NLRP14: variants seen among roughly 807,000 people sequenced by gnomAD.
The protein encoded by NLRP14 is NACHT, LRR and PYD domains-containing protein 14.
NLRP14 carries 105 observed loss-of-function variants against 94.7 expected under a neutral mutation model. The observed-to-expected ratio is 1.11, with a 90% confidence interval of 0.95 to 1.30. The LOEUF is 1.30. NLRP14 is among the 50% of genes most tolerant of loss of function. The pLI is 0.00. For missense variants in NLRP14, 1,362 were observed against 1,254.1 expected, an observed-to-expected ratio of 1.09 and a Z score of -1.30; for synonymous variants, 508 against 459.9, an observed-to-expected ratio of 1.10 and a Z score of -1.34.
downstream of NLRP14, among the ~76,000 whole-genome samples, chr11:7,072,211 G>A (rs142057475): frequency 1.1e-3 from 172 of 152,324 alleles, 1 homozygote; most frequent in African/African-American, 3.2e-3. Flanking sequence ...ATTACTTGGG[G>A]TCCCTTGGTG....
rs370166260 is a variant in NLRP14, at chr11:7,043,616, C to T, written c.1590C>T (p.Cys530=). The T allele has an allele frequency of 1.9e-6, 3 of 1,613,998 alleles. No homozygotes were observed. The African/African-American group carries it at 4.0e-5, about 22-fold the overall frequency. ...ACCCCCATTTGACACAGATGAAGTGCTTTTTGTTTGGCCTTTTGAATGAAG... is the reference window on the plus strand; with the variant it reads ...ACCCCCATTTGACACAGATGAAGTGTTTTTTGTTTGGCCTTTTGAATGAAG... ...YKDPHLTQMK[C]FLFGLLNEDR... The change falls in exon 4 of 12, where the codon TGC becomes TGT. Residue 530 remains cysteine (C), a synonymous_variant. Transcript: ENST00000299481.
the NLRP14 span, chr11:7,090,240 A>C: frequency 6.2e-7 from 1 of 1,610,418 alleles, no homozygotes; most frequent in South Asian, 1.1e-5. Context: ...CAGGGTGCCC[A>C]GGGGCGGAGG....
intron 1 of NLRP14, among the ~76,000 whole-genome samples, chr11:7,036,290 G>T (rs1291875236): frequency 1.3e-5 from 2 of 152,130 alleles, no homozygotes; most frequent in Admixed American, 6.5e-5. Context: ...TTTCTAAAAA[G>T]GTAAAAAGCC....
intron 6 of NLRP14, among the ~76,000 whole-genome samples, chr11:7,056,074 T>C (rs1273635529): frequency 6.6e-6 from 1 of 151,946 alleles, no homozygotes; most frequent in African/African-American, 2.4e-5. Context: ...TTAATACAGG[T>C]GAGAAAAAAC....
At chr11:7,084,539 A>G in the NLRP14 span, among the ~76,000 whole-genome samples, 24 of 152,218 alleles carry the variant, frequency 1.6e-4, no homozygotes, top group Non-Finnish European at 3.1e-4. Flanking sequence ...TGAAGCCTCC[A>G]TAACAATCCC....
At position 7,043,800 on chromosome 11, in the gene NLRP14, A is replaced by C. The variant is rs916463963; in HGVS notation, c.1774A>C (p.Lys592Gln). The change falls in exon 4 of 12, where the codon AAA becomes CAA. Residue 592 changes from lysine to glutamine, a missense_variant. By Grantham distance (53) the Lys-to-Gln change is moderately conservative. Transcript: ENST00000299481. The stretch of plus-strand genomic sequence containing the variant: ...TCACTGTCTGTATGAGACTCAAGAT[A>C]AAGCGTTTATAAGCCAGGCAATGAG... ...LFHCLYETQDKAFISQAMRCF... is the reference protein window; with the variant it reads ...LFHCLYETQDQAFISQAMRCF... 21 of 1,614,092 alleles carry C rather than the reference A, an allele frequency of 1.3e-5. No individual in the cohort carries two copies. In the East Asian group the frequency reaches 4.7e-4, roughly 36 times the overall value.
At chr11:7,023,201 G>A (rs925907841) in intron 1 of NLRP14, among the ~76,000 whole-genome samples, 1 of 150,586 alleles carries the variant, frequency 6.6e-6, no homozygotes, top group Non-Finnish European at 1.5e-5. Flanking sequence ...ACGAATACCT[G>A]AATGAGAAGA....
chr11:7,027,853 A>G (rs1231282794), intron 1 of NLRP14, among the ~76,000 whole-genome samples: 4 of 152,208 alleles, frequency 2.6e-5, no homozygotes, highest in Admixed American at 1.3e-4. Flanking sequence ...ATTTGGTACA[A>G]TTAATCTCTC....
chr11:7,067,513 G>C (rs1210844868), intron 10 of NLRP14, among the ~76,000 whole-genome samples: 3 of 152,120 alleles, frequency 2.0e-5, no homozygotes, highest in African/African-American at 7.2e-5. Context: ...TGTTATTGGT[G>C]TATATGAATG....
chr11:7,049,711 T>C lies in NLRP14; in HGVS notation c.2164T>C (p.Ser722Pro). 11 of 1,612,948 alleles carry C rather than the reference T, an allele frequency of 6.8e-6. No individual in the cohort carries two copies. Among genetic ancestry groups the C allele is most frequent in the Non-Finnish European group, 9.3e-6 (11 of 1,178,956 alleles). The change falls in exon 6 of 12, where the codon TCT (serine) becomes CCT (proline). Residue 722 changes from serine to proline, a missense_variant. Coordinates refer to ENST00000299481, the MANE Select transcript of NLRP14 (RefSeq NM_176822.4). ...TTTCCCTGATGGTTGTCAGGATATC[T>C]CTACTTCTTTGATTCATAACAAGAA... is the stretch of plus-strand genomic sequence containing the variant. ...ITFPDGCQDISTSLIHNKNLM... is the reference protein window; with the variant it reads ...ITFPDGCQDIPTSLIHNKNLM...
At chr11:7,032,887 C>T (rs571403765) in intron 1 of NLRP14, among the ~76,000 whole-genome samples, 2 of 152,226 alleles carry the variant, frequency 1.3e-5, no homozygotes, top group East Asian at 1.9e-4. Context: ...TAAATGATTA[C>T]CAAGTGTTCA....
chr11:7,020,835 G>A (rs1168196619), intron 1 of NLRP14, 65 bp downstream of exon 1: 1 of 152,516 alleles, frequency 6.6e-6, no homozygotes, highest in African/African-American at 2.4e-5. Flanking sequence ...GTCCAGTGAG[G>A]CTTTCCTCCC....
At chr11:7,068,229 G>A (rs775267195) in intron 10 of NLRP14, among the ~76,000 whole-genome samples, 54 of 151,894 alleles carry the variant, frequency 3.6e-4, no homozygotes, top group Middle Eastern at 3.4e-3. Context: ...ATTAATTTCT[G>A]TTTTTATCTT....
At chr11:7,035,921 A>T (rs942754270) in intron 1 of NLRP14, among the ~76,000 whole-genome samples, 3 of 152,230 alleles carry the variant, frequency 2.0e-5, no homozygotes, top group Non-Finnish European at 4.4e-5. Flanking sequence ...TATGTAGTAG[A>T]AAGAGAATGA....
In NLRP14 at chr11:7,042,671, TC is replaced by T; in HGVS notation, c.646del (p.Leu216SerfsTer9). 2.5e-6 allele frequency: 4 copies of T among 1,614,256 alleles called. No homozygotes were observed. Among genetic ancestry groups the T allele is most frequent in the Non-Finnish European group, 3.4e-6 (4 of 1,180,046 alleles). ...AGCAGAGGTTTAAGTATGTTTTTTA[TC>T]TCAATGGGAGAGAAATTAACCAGCT... ...YQQRFKYVFY[L>X]NGREINQLKE... On this transcript the variant is annotated frameshift_variant, in exon 4 of 12. Transcript: ENST00000299481. LOFTEE classifies it high-confidence loss of function.
At position 7,058,393 on chromosome 11, in the gene NLRP14, G is replaced by C. The variant is rs181234213; in HGVS notation, c.2576G>C (p.Gly859Ala). The C allele has an allele frequency of 3.1e-6, 5 of 1,612,890 alleles. No homozygotes were observed. The African/African-American group carries it at 5.3e-5, about 17-fold the overall frequency. The change falls in exon 8 of 12, where the codon GGA becomes GCA. Residue 859 changes from glycine to alanine, a missense_variant. Gly to Ala is a moderately conservative substitution (Grantham distance 60). Transcript: ENST00000299481. The stretch of plus-strand genomic sequence containing the variant: ...GCAGACAATGTCTTGGGTGATGGTG[G>C]AGTAAAGCTTATGAGTGATGCCCTG... ...CLADNVLGDG[G>A]VKLMSDALQH...
At position 7,043,672 on chromosome 11, in the gene NLRP14, A is replaced by G. The variant is rs776185649; in HGVS notation, c.1646A>G (p.Asn549Ser). The change falls in exon 4 of 12, where the codon AAC becomes AGC. Residue 549 changes from asparagine to serine, a missense_variant. Coordinates refer to ENST00000299481, the MANE Select transcript of NLRP14 (RefSeq NM_176822.4). ...GTAAAACAACTGGAGAGGACTTTTA[A>G]CTGTAAAATGTCACTGAAGATAAAA... ...DRVKQLERTFNCKMSLKIKSK... is the reference protein window; with the variant it reads ...DRVKQLERTFSCKMSLKIKSK... 41 of 1,613,948 alleles carry G rather than the reference A, an allele frequency of 2.5e-5. No homozygotes were observed. Among genetic ancestry groups the G allele is most frequent in the Non-Finnish European group, 3.3e-5 (39 of 1,179,934 alleles).
chr11:7,070,203 C>T (rs1051967146), intron 10 of NLRP14, 83 bp from the exon 11 acceptor site: 37 of 967,422 alleles, frequency 3.8e-5, no homozygotes, highest in Admixed American at 3.7e-4. Flanking sequence ...AATTATCCTC[C>T]ATTCTGAGTT....
intron 10 of NLRP14, among the ~76,000 whole-genome samples, chr11:7,065,721 T>A (rs866493727): frequency 3.3e-4 from 50 of 152,288 alleles, no homozygotes; most frequent in Middle Eastern, 3.4e-3. Context: ...TTCTTTTTTT[T>A]AATTATACTT....
Sources: gnomAD v4.1 joint callset for allele counts (sites outside exome capture counted in the v4.1 genomes callset) on GRCh38, gnomAD v4.1.1 for gene constraint, MANE v1.5 for transcripts, NCBI Gene and HGNC (gene_info 2026-07-23, HGNC 2026-07-21) for gene names.